The following ZFHX3 variants were observed in gnomAD, a reference collection of about 807,000 sequenced individuals.
ZFHX3 encodes the protein zinc finger homeobox 3.
In ZFHX3, 42 loss-of-function variants were observed where a neutral mutation model predicts 279.1. The ratio of observed to expected loss-of-function variants is 0.15; its 90% CI spans 0.12 to 0.19. The LOEUF (loss-of-function observed/expected upper bound fraction) is 0.19, where lower values mean the gene tolerates loss of function less well. Ranked by LOEUF, ZFHX3 falls within the 10% of genes least tolerant of loss-of-function variation. The pLI is 1.00. For missense variants in ZFHX3, 4,981 were observed against 4,754.0 expected (o/e 1.05, Z -1.40); for synonymous variants, 2,293 against 1,957.8 (o/e 1.17, Z -4.52).
At chr16:73,833,710 A>T (rs1961062162) in intron 1 of ZFHX3, among the ~76,000 whole-genome samples, 2 of 152,006 alleles carry the variant, frequency 1.3e-5, no homozygotes, top group African/African-American at 4.8e-5. Context: ...CTATGTAACA[A>T]ACCTGCACAT....
chr16:73,451,504 A>G (rs974919416), intron 3 of ZFHX3, among the ~76,000 whole-genome samples: 1 of 152,224 alleles, frequency 6.6e-6, no homozygotes, highest in African/African-American at 2.4e-5. Flanking sequence ...ATTGATAAGC[A>G]TCCTTATTTC....
At chr16:72,960,299 T>G in intron 1 of ZFHX3, 105 bp from the exon 2 acceptor site, 1 of 869,762 alleles carries the variant, frequency 1.1e-6, no homozygotes, top group Non-Finnish European at 1.7e-6. Flanking sequence ...CGGAGCGCTC[T>G]AAGAGGCTTC....
rs553745923 is a variant in ZFHX3, at chr16:73,356,062, A to G, written c.-1290-37726T>C. Among the ~76,000 whole-genome samples the G allele has an allele frequency of 1.6e-4, 25 of 152,304 alleles. 1 individual carries two copies. In the South Asian group the frequency reaches 3.9e-3, roughly 24 times the overall value. The stretch of plus-strand genomic sequence containing the variant: ...CATCCCAGAGACCTAAGTTTCCGAA[A>G]TAACATCAAGGCTTCAGAATTAAAG... On this transcript the variant is annotated intron_variant, in intron 3 of 17. Transcript: ENST00000641206.
intron 1 of ZFHX3, among the ~76,000 whole-genome samples, chr16:73,709,514 G>T (rs1360432000): frequency 6.6e-6 from 1 of 152,176 alleles, no homozygotes; most frequent in Non-Finnish European, 1.5e-5. Context: ...TATGCTGAGT[G>T]AAATAAGCCA....
intron 1 of ZFHX3, among the ~76,000 whole-genome samples, chr16:73,687,865 A>AAAT (rs2053106829): frequency 1.3e-5 from 2 of 151,744 alleles, no homozygotes; most frequent in African/African-American, 4.8e-5. Context: ...AAAAAAAAAA[A>AAAT]AAAACAGATT....
chr16:73,884,016 G>C (rs2030265432), intron 1 of ZFHX3, among the ~76,000 whole-genome samples: 1 of 152,130 alleles, frequency 6.6e-6, no homozygotes, highest in Admixed American at 6.5e-5. Flanking sequence ...AACTGTACCA[G>C]GCTGTCACAG....
chr16:73,171,227 A>T (rs377111999), intron 5 of ZFHX3, among the ~76,000 whole-genome samples: 27 of 152,214 alleles, frequency 1.8e-4, no homozygotes, highest in African/African-American at 6.3e-4. Context: ...TTTATCATCC[A>T]AACTGGGACG....
At chr16:73,197,610 T>C (rs1317123439) in intron 5 of ZFHX3, among the ~76,000 whole-genome samples, 1 of 152,240 alleles carries the variant, frequency 6.6e-6, no homozygotes, top group African/African-American at 2.4e-5. Flanking sequence ...GTATTTTCTT[T>C]TTGGGATTTG....
intron 2 of ZFHX3, among the ~76,000 whole-genome samples, chr16:72,953,313 C>A (rs1392846504): frequency 1.3e-5 from 2 of 151,658 alleles, no homozygotes; most frequent in Admixed American, 1.3e-4. Context: ...AAAAAAAAGC[C>A]TAAAAGCTCC....
At chr16:73,671,879 T>C (rs567888750) in intron 2 of ZFHX3, among the ~76,000 whole-genome samples, 3 of 152,276 alleles carry the variant, frequency 2.0e-5, no homozygotes, top group Non-Finnish European at 2.9e-5. Flanking sequence ...CATTAACCTA[T>C]ATACATCTCT....
chr16:73,204,505 G>T (rs1396341228), intron 5 of ZFHX3, among the ~76,000 whole-genome samples: 1 of 152,168 alleles, frequency 6.6e-6, no homozygotes, highest in Non-Finnish European at 1.5e-5. Context: ...TAATGTCACT[G>T]CTCTTGTGAC....
At position 72,808,283 on chromosome 16, in the gene ZFHX3, C is replaced by T. The variant is rs528365819; in HGVS notation, c.3864+3294G>A. 3.3e-5 allele frequency among the ~76,000 whole-genome samples: 5 copies of T among 152,280 alleles called. No homozygotes were observed. In the South Asian group the frequency reaches 1.0e-3, roughly 32 times the overall value. ...TCATCAGTATTCCAGTCCTCAAATACGATCTCAGGTTCACCTTGTGGTAGG... is the reference window on the plus strand; with the variant it reads ...TCATCAGTATTCCAGTCCTCAAATATGATCTCAGGTTCACCTTGTGGTAGG... On this transcript the variant is annotated intron_variant, in intron 7 of 9. Coordinates refer to ENST00000268489, the MANE Select transcript of ZFHX3 (RefSeq NM_006885.4).
At chr16:73,429,682 G>T (rs1408123318) in intron 3 of ZFHX3, among the ~76,000 whole-genome samples, 1 of 152,168 alleles carries the variant, frequency 6.6e-6, no homozygotes, top group Non-Finnish European at 1.5e-5. Context: ...AAAATTGCCA[G>T]ATTTTAAACG....
At chr16:73,276,698 C>T (rs1357386872) in intron 4 of ZFHX3, among the ~76,000 whole-genome samples, 2 of 152,116 alleles carry the variant, frequency 1.3e-5, no homozygotes, top group Non-Finnish European at 2.9e-5. Context: ...GAAATCTTGT[C>T]ATATTTCTGC....
chr16:73,669,317 G>T (rs1474840294), intron 2 of ZFHX3, among the ~76,000 whole-genome samples: 1 of 152,158 alleles, frequency 6.6e-6, no homozygotes, highest in Admixed American at 6.5e-5. Flanking sequence ...GCCTCCCAAA[G>T]TGCTGGGATT....
intron 3 of ZFHX3, among the ~76,000 whole-genome samples, chr16:72,907,666 A>T (rs1212158391): frequency 1.4e-5 from 2 of 143,496 alleles, no homozygotes; most frequent in African/African-American, 5.2e-5. Flanking sequence ...AGTCCATGCT[A>T]GATCCTCCAA....
intron 1 of ZFHX3, among the ~76,000 whole-genome samples, chr16:73,055,043 A>AG (rs1965519246): frequency 7.1e-6 from 1 of 140,224 alleles, no homozygotes; most frequent in Non-Finnish European, 1.6e-5. Context: ...GCAAAGGGAG[A>AG]GAAAAAAAAA....
chr16:73,362,392 C>G (rs2016448160), intron 3 of ZFHX3, among the ~76,000 whole-genome samples: 1 of 152,222 alleles, frequency 6.6e-6, no homozygotes, highest in African/African-American at 2.4e-5. Flanking sequence ...GGAACAGAGT[C>G]AGAGGCCAGA....
chr16:73,219,564 A>G (rs892623555), intron 5 of ZFHX3, among the ~76,000 whole-genome samples: 1 of 152,240 alleles, frequency 6.6e-6, no homozygotes, highest in Non-Finnish European at 1.5e-5. Context: ...TGTTGCATCT[A>G]TGAGACCCTG....
Sources: gnomAD v4.1 joint callset for allele counts (sites outside exome capture counted in the v4.1 genomes callset) on GRCh38, gnomAD v4.1.1 for gene constraint, MANE v1.5 for transcripts, NCBI Gene and HGNC (gene_info 2026-07-23, HGNC 2026-07-21) for gene names.